The following DIS3L2 variants were observed in gnomAD, a reference collection of about 807,000 sequenced individuals.
The protein encoded by DIS3L2 is DIS3-like exonuclease 2.
DIS3L2 carries 34 observed loss-of-function variants against 97.5 expected under a neutral mutation model. That is an observed-to-expected ratio of 0.35 (90% CI 0.27 to 0.46). DIS3L2 has a LOEUF of 0.46. Among genes scored for constraint, DIS3L2 ranks in the 20% least tolerant of loss-of-function variants. DIS3L2 has a pLI of 1.00. For missense variants in DIS3L2, 1,038 were observed against 1,146.0 expected (o/e 0.91, Z 1.36); for synonymous variants, 435 against 445.2 (o/e 0.98, Z 0.29).
chr2:231,987,398 T>C (rs895986393), intron 1 of DIS3L2, among the ~76,000 whole-genome samples: 2 of 152,230 alleles, frequency 1.3e-5, no homozygotes, highest in African/African-American at 4.8e-5. Flanking sequence ...TAACATTGGA[T>C]TTAATCACAT....
chr2:232,250,662 T>C (rs1693391804), intron 12 of DIS3L2, among the ~76,000 whole-genome samples: 1 of 152,172 alleles, frequency 6.6e-6, no homozygotes, highest in Non-Finnish European at 1.5e-5. Context: ...CAGAAATGTG[T>C]TCTCTAGACA....
intron 1 of DIS3L2, among the ~76,000 whole-genome samples, chr2:232,000,656 T>TCCTTTCCTTTCCTTTCCTTTCCTTC (rs1559529144): frequency 3.5e-5 from 5 of 141,902 alleles, no homozygotes; most frequent in Non-Finnish European, 1.6e-5. Context: ...TCCTTTCCTT[T>TCCTTTCCTTTCCTTTCCTTTCCTTC]CCTTTCTCTT....
intron 12 of DIS3L2, among the ~76,000 whole-genome samples, chr2:232,255,771 T>G (rs1170408662): frequency 6.6e-6 from 1 of 152,146 alleles, no homozygotes; most frequent in Non-Finnish European, 1.5e-5. Context: ...CTGTACAGGA[T>G]TAGTCAGGAC....
chr2:232,181,067 A>G (rs1379373010), intron 9 of DIS3L2, among the ~76,000 whole-genome samples: 2 of 113,870 alleles, frequency 1.8e-5, no homozygotes, highest in Non-Finnish European at 3.6e-5. Context: ...TCCTTCACTT[A>G]TGAAGCTTAG....
At chr2:232,138,851 C>T (rs74620367) in intron 8 of DIS3L2, among the ~76,000 whole-genome samples, 3,011 of 152,248 alleles carry the variant, frequency 0.02, 90 homozygotes, top group African/African-American at 0.068. Context: ...TTAAAAGTAT[C>T]GGACTTCCTT....
intron 9 of DIS3L2, among the ~76,000 whole-genome samples, chr2:232,205,043 C>G (rs1691991672): frequency 6.6e-6 from 1 of 152,002 alleles, no homozygotes; most frequent in Non-Finnish European, 1.5e-5. Flanking sequence ...TTTCTGAGAG[C>G]CCTCTGAGTT....
At chr2:232,105,230 T>C (rs1697327779) in intron 6 of DIS3L2, among the ~76,000 whole-genome samples, 1 of 152,208 alleles carries the variant, frequency 6.6e-6, no homozygotes, top group Admixed American at 6.5e-5. Context: ...TCCGTTTGAG[T>C]CACTGTTTTC....
At chr2:232,285,290 T>TC (rs1679892662) in intron 13 of DIS3L2, among the ~76,000 whole-genome samples, 1 of 152,138 alleles carries the variant, frequency 6.6e-6, no homozygotes, top group Non-Finnish European at 1.5e-5. Context: ...CCAACCTATC[T>TC]CTCACCTGCT....
intron 5 of DIS3L2, among the ~76,000 whole-genome samples, chr2:232,051,728 C>T (rs375578526): frequency 7.5e-6 from 1 of 133,944 alleles, no homozygotes; most frequent in African/African-American, 2.8e-5. Context: ...AGGAGAATGG[C>T]GTGAACCCGG....
intron 9 of DIS3L2, among the ~76,000 whole-genome samples, chr2:232,182,105 C>T (rs761686432): frequency 5.3e-5 from 8 of 152,192 alleles, no homozygotes; most frequent in Non-Finnish European, 8.8e-5. Flanking sequence ...GCTTTAGCTA[C>T]ATCCCATAAA....
intron 5 of DIS3L2, 103 bp downstream of exon 5, chr2:232,030,183 A>C: frequency 1.1e-6 from 1 of 922,186 alleles, no homozygotes; most frequent in Non-Finnish European, 1.7e-6. Flanking sequence ...CAGACCCCTT[A>C]GGCGCTGTGA....
intron 8 of DIS3L2, among the ~76,000 whole-genome samples, chr2:232,149,286 T>C (rs373413341): frequency 4.8e-5 from 7 of 145,986 alleles, no homozygotes; most frequent in Non-Finnish European, 1.0e-4. Context: ...CATGCTGGTG[T>C]GCTGCACCCA....
At chr2:232,342,823 A>G (rs1336708804) in intron 13 of DIS3L2, among the ~76,000 whole-genome samples, 2 of 152,218 alleles carry the variant, frequency 1.3e-5, no homozygotes, top group Non-Finnish European at 2.9e-5. Flanking sequence ...GTGAGGGGCC[A>G]GTCCCTGGGC....
At chr2:232,250,214 A>G (rs985025496) in intron 12 of DIS3L2, among the ~76,000 whole-genome samples, 6 of 152,222 alleles carry the variant, frequency 3.9e-5, no homozygotes, top group African/African-American at 7.2e-5. Context: ...TTTATACTGT[A>G]ATATTAAATG....
At chr2:232,132,632 A>G (rs1398648635) in intron 7 of DIS3L2, among the ~76,000 whole-genome samples, 1 of 152,172 alleles carries the variant, frequency 6.6e-6, no homozygotes, top group East Asian at 1.9e-4. Context: ...TGGCCCAGCT[A>G]GACTAATTCT....
In DIS3L2 at chr2:232,329,795, C is replaced by CTGG; in HGVS notation, c.1740-18_1740-17insTGG. ...CCCAAACCCCAGCGGTCCCTCCCAT[C>CTGG]CCACCCACCCTCTGCAGGCTCGTGG... is the stretch of plus-strand genomic sequence containing the variant. On this transcript the variant is annotated splice_polypyrimidine_tract_variant and intron_variant, in intron 14 of 20. Coordinates refer to ENST00000325385, the MANE Select transcript of DIS3L2 (RefSeq NM_152383.5). The CTGG allele has an allele frequency of 6.3e-6, 2 of 318,104 alleles. No homozygotes were observed. The highest frequency in any genetic ancestry group is 1.2e-5 in the Non-Finnish European group (2 of 173,896). 19.7% of individuals were successfully genotyped at this position (318,104 alleles called of 1,614,324 possible).
Position 232,056,032 on chromosome 2 carries a change from C to T in DIS3L2, c.366+25952C>T, listed in dbSNP as rs184287179. 2.8e-4 allele frequency among the ~76,000 whole-genome samples: 43 copies of T among 152,172 alleles called. 1 individual carries two copies. Among genetic ancestry groups the T allele is most frequent in the Non-Finnish European group, 2.5e-4 (17 of 67,990 alleles). On this transcript the variant is annotated intron_variant, in intron 5 of 20. Transcript: ENST00000325385. The stretch of plus-strand genomic sequence containing the variant: ...AAAGCTTTTCAAGGAAAACATAATA[C>T]CATATTTTCATGACTTTAGGGGCAC...
At chr2:232,212,265 C>A (rs1309373763) in intron 10 of DIS3L2, among the ~76,000 whole-genome samples, 1 of 152,240 alleles carries the variant, frequency 6.6e-6, no homozygotes, top group Non-Finnish European at 1.5e-5. Flanking sequence ...GGCTGAAAGC[C>A]AGGTGACCGT....
chr2:232,090,293 GT>G (rs780959937), intron 6 of DIS3L2, among the ~76,000 whole-genome samples: 1 of 152,018 alleles, frequency 6.6e-6, no homozygotes, highest in Non-Finnish European at 1.5e-5. Context: ...CTGTATGCAT[GT>G]TTCTTTCCTT....
Sources: allele counts gnomAD v4.1 joint callset (sites outside exome capture counted in the v4.1 genomes callset), GRCh38; gene constraint gnomAD v4.1.1; transcripts MANE v1.5; gene names NCBI Gene and HGNC (gene_info 2026-07-23, HGNC 2026-07-21).